RARS2: variants seen among roughly 807,000 people sequenced by gnomAD.
RARS2 encodes the protein probable arginine--tRNA ligase, mitochondrial.
In RARS2, 67 loss-of-function variants were observed where a neutral mutation model predicts 88.5. The ratio of observed to expected loss-of-function variants is 0.76; its 90% CI spans 0.62 to 0.93. The LOEUF (loss-of-function observed/expected upper bound fraction) is 0.93, where lower values mean the gene tolerates loss of function less well. Among genes scored for constraint, RARS2 ranks in the 40% least tolerant of loss-of-function variants. The pLI is 0.00. For missense variants in RARS2, 664 were observed against 684.2 expected, an observed-to-expected ratio of 0.97 and a Z score of 0.33; for synonymous variants, 239 against 230.3, an observed-to-expected ratio of 1.04 and a Z score of -0.34.
chr6:87,537,672 C>T (rs1485642204), intron 8 of RARS2, among the ~76,000 whole-genome samples: 1 of 152,094 alleles, frequency 6.6e-6, no homozygotes, highest in African/African-American at 2.4e-5. Flanking sequence ...GAGCTCACTA[C>T]TAACTACAAC....
At chr6:87,540,567 G>A (rs1780617837) in intron 8 of RARS2, among the ~76,000 whole-genome samples, 1 of 151,846 alleles carries the variant, frequency 6.6e-6, no homozygotes. Flanking sequence ...GGCTTAAGCT[G>A]GAGAAGTAAA....
Position 87,514,996 on chromosome 6 carries a change from T to G in RARS2, c.1611A>C (p.Lys537Asn). The change falls in exon 19 of 20, where the codon AAA becomes AAC. Residue 537 changes from lysine to asparagine, a missense_variant. Physicochemically the swap from Lys to Asn is moderately conservative, Grantham distance 94. Transcript: ENST00000369536. ...GAGGACTATCTTTTATTTGTAGTGT[T>G]TTGTGTGCCACAGCTGCAAGATGAC... ...TLSHLAAVAH[K>N]TLQIKDSPPE... 6.2e-7 allele frequency: 1 copy of G among 1,613,582 alleles called. No homozygotes were observed. Among genetic ancestry groups the G allele is most frequent in the Non-Finnish European group, 8.5e-7 (1 of 1,179,490 alleles).
At chr6:87,532,390 T>C (rs1189891638) in intron 8 of RARS2, among the ~76,000 whole-genome samples, 1 of 152,204 alleles carries the variant, frequency 6.6e-6, no homozygotes. Flanking sequence ...ATGCAAACAG[T>C]ACAGCTTAGG....
At chr6:87,580,151 A>C (rs1378101756) in intron 1 of RARS2, among the ~76,000 whole-genome samples, 1 of 152,100 alleles carries the variant, frequency 6.6e-6, no homozygotes, top group Non-Finnish European at 1.5e-5. Flanking sequence ...CTTGGATCAG[A>C]ATGTGACCAA....
chr6:87,556,956 A>G (rs912092654), intron 4 of RARS2, among the ~76,000 whole-genome samples: 5 of 151,896 alleles, frequency 3.3e-5, no homozygotes, highest in African/African-American at 1.2e-4. Context: ...CTGGCCCCAA[A>G]ATGCATCTTG....
chr6:87,589,022 A>G (rs1251196174), intron 1 of RARS2, among the ~76,000 whole-genome samples: 4 of 152,236 alleles, frequency 2.6e-5, no homozygotes, highest in Non-Finnish European at 5.9e-5. Flanking sequence ...CATAAAGACA[A>G]GGCAGAGGGA....
intron 19 of RARS2, 96 bp downstream of exon 19, chr6:87,514,858 GAAC>G (rs1449909240): frequency 7.2e-6 from 7 of 973,312 alleles, no homozygotes; most frequent in Non-Finnish European, 1.0e-5. Flanking sequence ...TGCTACAGTT[GAAC>G]AACAGAATGC....
chr6:87,553,039 G>A (rs1784830021), intron 5 of RARS2, among the ~76,000 whole-genome samples: 1 of 152,144 alleles, frequency 6.6e-6, no homozygotes, highest in African/African-American at 2.4e-5. Context: ...ACCATTAAGA[G>A]ATGTACTCTA....
Position 87,513,948 on chromosome 6 carries a change from T to G in RARS2, c.*465A>C, listed in dbSNP as rs904155926. 2.0e-5 allele frequency among the ~76,000 whole-genome samples: 3 copies of G among 152,212 alleles called. No homozygotes were observed. The East Asian group carries it at 5.8e-4, about 29-fold the overall frequency. On this transcript the variant is annotated 3_prime_UTR_variant, in exon 20 of 20. Transcript: ENST00000369536. ...CTGACCATGAGAGAATTCAGATAAC[T>G]CATTTATTTAAGGATAAAGACTGAA...
intron 8 of RARS2, 79 bp from the exon 9 acceptor site, chr6:87,531,021 C>T: frequency 2.5e-6 from 4 of 1,587,180 alleles, no homozygotes; most frequent in South Asian, 1.1e-5. Context: ...GCAAAAAAAG[C>T]ACATTCTGAG....
chr6:87,572,561 CTT>C (rs922424680), intron 1 of RARS2, among the ~76,000 whole-genome samples: 1 of 151,310 alleles, frequency 6.6e-6, no homozygotes, highest in Non-Finnish European at 1.5e-5. Flanking sequence ...TCTTCTTCTT[CTT>C]TTTTTTTCTT....
At chr6:87,549,004 A>T (rs6911442) in intron 5 of RARS2, among the ~76,000 whole-genome samples, 9,370 of 152,194 alleles carry the variant, frequency 0.062, 344 homozygotes, top group African/African-American at 0.11. Flanking sequence ...GCTTGAGGCC[A>T]GAAGTTTGAG....
intron 6 of RARS2, among the ~76,000 whole-genome samples, chr6:87,547,133 G>C (rs981521430): frequency 2.0e-5 from 3 of 152,188 alleles, no homozygotes; most frequent in African/African-American, 7.2e-5. Context: ...TGAAGACACA[G>C]CATGTTAAGT....
chr6:87,567,504 C>T (rs997570466), intron 2 of RARS2, among the ~76,000 whole-genome samples: 2 of 152,120 alleles, frequency 1.3e-5, no homozygotes, highest in Admixed American at 1.3e-4. Flanking sequence ...AAAATAAAAT[C>T]GAGAGAATTA....
chr6:87,540,733 C>T (rs1174409998), intron 8 of RARS2, among the ~76,000 whole-genome samples: 2 of 152,070 alleles, frequency 1.3e-5, no homozygotes, highest in East Asian at 3.9e-4. Context: ...AAAGGAAACA[C>T]ATCCCTGGAG....
intron 18 of RARS2, among the ~76,000 whole-genome samples, chr6:87,516,161 C>T (rs1341199868): frequency 6.6e-6 from 1 of 150,670 alleles, no homozygotes; most frequent in Non-Finnish European, 1.5e-5. Flanking sequence ...ACAGAAGATA[C>T]AGCTGCTGCT....
At chr6:87,552,569 T>C (rs1015784694) in intron 5 of RARS2, among the ~76,000 whole-genome samples, 1 of 152,048 alleles carries the variant, frequency 6.6e-6, no homozygotes, top group Admixed American at 6.5e-5. Flanking sequence ...TTAACTGCCA[T>C]ACAAAAAGCC....
chr6:87,528,079 G>A lies in RARS2; in HGVS notation c.878+1463C>T, dbSNP rs1428897874. ...CTGGGAACATAAAAAAAAAAAAAAA[G>A]TGGGCCAAAGACCCGTATAGACATT... On this transcript the variant is annotated intron_variant, in intron 10 of 19. Coordinates refer to ENST00000369536, the MANE Select transcript of RARS2 (RefSeq NM_020320.5). Among the ~76,000 whole-genome samples, 5 of 146,002 alleles carry A rather than the reference G, an allele frequency of 3.4e-5. No homozygotes were observed. The East Asian group carries it at 1.0e-3, about 29-fold the overall frequency.
chr6:87,565,030 T>C (rs1436317208), intron 2 of RARS2, among the ~76,000 whole-genome samples: 2 of 152,066 alleles, frequency 1.3e-5, no homozygotes, highest in Non-Finnish European at 2.9e-5. Flanking sequence ...TGCACTCCAG[T>C]CTGGGTGACA....
Sources: allele counts gnomAD v4.1 joint callset (sites outside exome capture counted in the v4.1 genomes callset), GRCh38; gene constraint gnomAD v4.1.1; transcripts MANE v1.5; gene names NCBI Gene and HGNC (gene_info 2026-07-23, HGNC 2026-07-21).